The following MYO5C variants were observed in gnomAD, a reference collection of about 807,000 sequenced individuals.
MYO5C encodes myosin VC.
In MYO5C, 194 loss-of-function variants were observed where a neutral mutation model predicts 235.7. The observed-to-expected ratio is 0.82, with a 90% CI of 0.73 to 0.93. MYO5C has a LOEUF of 0.93. Among genes scored for constraint, MYO5C ranks in the 40% least tolerant of loss-of-function variants. The pLI, the probability that MYO5C is intolerant of heterozygous loss-of-function variation, is 0.00. For synonymous variants in MYO5C, 707 were observed against 754.8 expected (o/e 0.94, Z 1.04); for missense variants, 2,038 against 2,127.2 (o/e 0.96, Z 0.82).
chr15:52,251,452 G>A lies in MYO5C; in HGVS notation c.1600C>T (p.Pro534Ser), dbSNP rs758093767. The A allele has an allele frequency of 4.4e-6, 7 of 1,604,960 alleles. No individual in the cohort carries two copies. In the African/African-American group the frequency reaches 6.7e-5, roughly 15 times the overall value. The change falls in exon 13 of 41, where the codon CCT (proline) becomes TCT (serine). Residue 534 changes from proline to serine, a missense_variant. Coordinates refer to ENST00000261839, the MANE Select transcript of MYO5C (RefSeq NM_018728.4). ...GACATTCTAGGCTTTTCAAACAAAG[G>A]GTTCCTGTTGACAAAATTATTATAC... ...KLYNNFVNRN[P>S]LFEKPRMSNT...
intron 39 of MYO5C, among the ~76,000 whole-genome samples, chr15:52,195,872 C>T (rs1392001587): frequency 2.7e-5 from 4 of 150,930 alleles, no homozygotes; most frequent in African/African-American, 7.3e-5. Flanking sequence ...GATCATGGCT[C>T]ACTGCAGCCT....
chr15:52,222,926 C>T (rs1005983249), intron 29 of MYO5C, among the ~76,000 whole-genome samples: 5 of 152,042 alleles, frequency 3.3e-5, no homozygotes, highest in East Asian at 3.9e-4. Context: ...CTGAGGCAGG[C>T]GGATCACGAG....
chr15:52,271,865 CT>C (rs1467247819), intron 6 of MYO5C, 21 bp from the exon 7 acceptor site: 1 of 1,522,552 alleles, frequency 6.6e-7, no homozygotes, highest in East Asian at 2.3e-5. Context: ...AAGAAATGTC[CT>C]CAAAATTACA....
At chr15:52,201,572 GA>G (rs1234499002) in intron 38 of MYO5C, among the ~76,000 whole-genome samples, 2 of 152,072 alleles carry the variant, frequency 1.3e-5, no homozygotes, top group Non-Finnish European at 2.9e-5. Context: ...ATGAGACTTG[GA>G]AAAAAATGAG....
chr15:52,287,714 C>T (rs1316862399), intron 1 of MYO5C, among the ~76,000 whole-genome samples: 1 of 152,162 alleles, frequency 6.6e-6, no homozygotes, highest in Non-Finnish European at 1.5e-5. Flanking sequence ...CGGTGGCTCA[C>T]GTGTGTAATC....
intron 26 of MYO5C, 28 bp from the exon 27 acceptor site, chr15:52,225,166 A>G (rs1220072238): frequency 1.9e-6 from 3 of 1,611,192 alleles, no homozygotes; most frequent in Non-Finnish European, 2.5e-6. Context: ...AGTTGTATAT[A>G]TTACATTTGT....
rs370802511 is a variant in MYO5C, at chr15:52,245,374, C to T, written c.2158G>A (p.Val720Ile). 26 of 1,613,862 alleles carry T rather than the reference C, an allele frequency of 1.6e-5. No individual in the cohort carries two copies. The African/African-American group carries it at 2.4e-4, about 15-fold the overall frequency. ...FSDKKEVCKV[V>I]LHRLIQDSNQ... The stretch of plus-strand genomic sequence containing the variant: ...CTGACCTGGATGAGTCTGTGTAAAA[C>T]CACCTTGCACACCTCCTTTTTATCG... Residue 720 changes from valine to isoleucine, a missense_variant, in exon 18 of 41, where the codon GTT (valine) becomes ATT (isoleucine). Transcript: ENST00000261839.
At chr15:52,195,962 C>CTTTT (rs71130140) in intron 39 of MYO5C, among the ~76,000 whole-genome samples, 2,042 of 80,684 alleles carry the variant, frequency 0.025, 148 homozygotes, top group East Asian at 0.086. Flanking sequence ...TCACACCCAG[C>CTTTT]TTTTTTTTTT....
Position 52,260,972 on chromosome 15 carries a change from C to T in MYO5C, c.1203G>A (p.Leu401=). The T allele has an allele frequency of 1.2e-6, 2 of 1,614,204 alleles. No homozygotes were observed. The highest frequency in any genetic ancestry group is 1.7e-6 in the Non-Finnish European group (2 of 1,180,024). ...RPQAVNARDA[L]AKKIYAHLFD... Reference sequence around the variant, plus strand: ...ACAGGTGAGCATAGATCTTTTTGGCCAGTGCATCCCTGGCGTTGACAGCCT... The same window carrying T: ...ACAGGTGAGCATAGATCTTTTTGGCTAGTGCATCCCTGGCGTTGACAGCCT... The change falls in exon 10 of 41, where the codon CTG becomes CTA. Residue 401 remains leucine (L), a synonymous_variant. Transcript: ENST00000261839.
chr15:52,214,577 A>G (rs1566964493), intron 33 of MYO5C, 26 bp downstream of exon 33: 2 of 1,509,882 alleles, frequency 1.3e-6, no homozygotes, highest in African/African-American at 2.8e-5. Context: ...GCTCAAAAGA[A>G]TAAGAAAACA....
At chr15:52,206,230 T>C (rs1166880494) in intron 36 of MYO5C, among the ~76,000 whole-genome samples, 2 of 152,106 alleles carry the variant, frequency 1.3e-5, no homozygotes, top group Non-Finnish European at 2.9e-5. Flanking sequence ...GAAAAGCTCG[T>C]AGAAGGCCCA....
chr15:52,263,067 C>G (rs2036727776), intron 9 of MYO5C, among the ~76,000 whole-genome samples: 2 of 152,140 alleles, frequency 1.3e-5, no homozygotes, highest in African/African-American at 2.4e-5. Flanking sequence ...AAAGTCCTCA[C>G]CAGAACCGAC....
At chr15:52,213,360 C>A in intron 33 of MYO5C, 74 bp from the exon 34 acceptor site, 1 of 1,050,052 alleles carries the variant, frequency 9.5e-7, no homozygotes, top group Non-Finnish European at 1.5e-6. Context: ...GACTACTCTC[C>A]TACCCCATTC....
chr15:52,196,229 T>G (rs1363860828), intron 39 of MYO5C, 80 bp downstream of exon 39: 1 of 1,413,446 alleles, frequency 7.1e-7, no homozygotes. Flanking sequence ...TGCCCACAGC[T>G]GGCTAAACCA....
chr15:52,253,101 G>A (rs919548904), intron 12 of MYO5C, among the ~76,000 whole-genome samples: 5 of 152,172 alleles, frequency 3.3e-5, no homozygotes, highest in South Asian at 2.1e-4. Context: ...AAAAGAGGTG[G>A]TGCAGCTCCC....
chr15:52,236,632 C>G (rs1212663639), intron 22 of MYO5C, among the ~76,000 whole-genome samples: 1 of 151,924 alleles, frequency 6.6e-6, no homozygotes, highest in Admixed American at 6.6e-5. Flanking sequence ...GCCGAGATTG[C>G]GCCACCGCAC....
chr15:52,219,798 T>G lies in MYO5C; in HGVS notation c.3746A>C (p.Gln1249Pro). The change falls in exon 31 of 41, where the codon CAG (glutamine) becomes CCG (proline). Residue 1249 changes from glutamine to proline, a missense_variant. Physicochemically the swap from Gln to Pro is moderately conservative, Grantham distance 76. Transcript: ENST00000261839. ...MKGKLEELSN[Q>P]LHRSQEEEGT... ...TTCCTCCTCTTGACTGCGATGTAACTGATTAGACAATTCTTCTAGTTTTCC... is the reference window on the plus strand; with the variant it reads ...TTCCTCCTCTTGACTGCGATGTAACGGATTAGACAATTCTTCTAGTTTTCC... 1 of 1,612,518 alleles carries G rather than the reference T, an allele frequency of 6.2e-7. No individual in the cohort carries two copies. Among genetic ancestry groups the G allele is most frequent in the East Asian group, 2.2e-5 (1 of 44,868 alleles).
At chr15:52,216,416 C>T (rs1271776744) in intron 32 of MYO5C, among the ~76,000 whole-genome samples, 1 of 152,072 alleles carries the variant, frequency 6.6e-6, no homozygotes, top group Non-Finnish European at 1.5e-5. Context: ...GGTCTCACTA[C>T]GTTGCCCTGG....
chr15:52,258,216 G>A (rs1451625021), intron 10 of MYO5C, among the ~76,000 whole-genome samples: 2 of 152,188 alleles, frequency 1.3e-5, no homozygotes, highest in Admixed American at 6.5e-5. Context: ...GAGGCACATT[G>A]GCTATGAAAA....
Sources: allele counts gnomAD v4.1 joint callset (sites outside exome capture counted in the v4.1 genomes callset), GRCh38; gene constraint gnomAD v4.1.1; transcripts MANE v1.5; gene names NCBI Gene and HGNC (gene_info 2026-07-23, HGNC 2026-07-21).